The following CCNT2 variants were observed in gnomAD, a reference collection of about 807,000 sequenced individuals.
The protein encoded by CCNT2 is cyclin-T2.
Under a neutral mutation model 70.0 loss-of-function variants are expected in CCNT2, and 18 were observed. That is an observed-to-expected ratio of 0.26 (90% CI 0.18 to 0.38). The LOEUF is 0.38. Among genes scored for constraint, CCNT2 ranks in the 10% least tolerant of loss-of-function variants. The pLI, the probability that CCNT2 is intolerant of heterozygous loss-of-function variation, is 1.00. For missense variants in CCNT2, 734 were observed against 890.2 expected (o/e 0.82, Z 2.23); for synonymous variants, 334 against 313.3 (o/e 1.07, Z -0.70).
At chr2:134,919,943 T>TA (rs774556524) in intron 2 of CCNT2, 52 bp downstream of exon 2, 2 of 1,289,502 alleles carry the variant, frequency 1.6e-6, no homozygotes, top group Non-Finnish European at 2.2e-6. Flanking sequence ...GGTAAATCGA[T>TA]ACGCAGAAAA....
chr2:134,921,824 G>T (rs773716856), intron 2 of CCNT2, among the ~76,000 whole-genome samples: 1 of 152,086 alleles, frequency 6.6e-6, no homozygotes, highest in Non-Finnish European at 1.5e-5. Context: ...AAAGGCCAAG[G>T]TATTAATTTT....
Position 134,936,963 on chromosome 2 carries a change from A to G in CCNT2, c.363A>G (p.Lys121=), listed in dbSNP as rs1681198760. The change falls in exon 3 of 9, where the codon AAA becomes AAG. Residue 121 remains lysine (K), a synonymous_variant. Coordinates refer to ENST00000264157, the MANE Select transcript of CCNT2 (RefSeq NM_058241.3). ...LHPLEPLLDT[K]CDAYLQQTQE... ...CTCTAGAGCCACTGCTGGATACTAAATGTGATGTATGTAAATACTGGGTTT... is the reference window on the plus strand; with the variant it reads ...CTCTAGAGCCACTGCTGGATACTAAGTGTGATGTATGTAAATACTGGGTTT... 1 of 1,602,966 alleles carries G rather than the reference A, an allele frequency of 6.2e-7. No homozygotes were observed. The highest frequency in any genetic ancestry group is 1.1e-5 in the South Asian group (1 of 89,488).
At chr2:134,952,838 T>G (rs1467372938) in intron 8 of CCNT2, 127 bp downstream of exon 8, 1 of 682,812 alleles carries the variant, frequency 1.5e-6, no homozygotes, top group African/African-American at 1.8e-5. Context: ...GTATCTCAAG[T>G]TACATATACT....
chr2:134,954,579 G>A lies in CCNT2; in HGVS notation c.2124G>A (p.Gln708=), dbSNP rs1308490329. 6.2e-7 allele frequency: 1 copy of A among 1,614,118 alleles called. No individual in the cohort carries two copies. Among genetic ancestry groups the A allele is most frequent in the African/African-American group, 1.3e-5 (1 of 75,060 alleles). Residue 708 remains glutamine, a synonymous_variant, in exon 9 of 9, where the codon CAG becomes CAA. Transcript: ENST00000264157. ...DANHEYSTSS[Q]HMDYKDTFDM... ...ATCACGAGTACAGTACAAGCAGCCA[G>A]CATATGGACTACAAAGACACATTCG...
chr2:134,959,072 CTTA>C lies in CCNT2; in HGVS notation c.*4428_*4430del, dbSNP rs1406095911. On this transcript the variant is annotated 3_prime_UTR_variant, in exon 9 of 9. Coordinates refer to ENST00000264157, the MANE Select transcript of CCNT2 (RefSeq NM_058241.3). The stretch of plus-strand genomic sequence containing the variant: ...CCTATTGTTTAATAATGAGTACATT[CTTA>C]TTAAGTGATGAGTACATTCTTAATT... 6.8e-6 allele frequency: 1 copy of C among 147,882 alleles called. No homozygotes were observed. The highest frequency in any genetic ancestry group is 1.5e-5 in the Non-Finnish European group (1 of 66,848). 9.2% of individuals were successfully genotyped at this position (147,882 alleles called of 1,614,324 possible). A position where few individuals can be genotyped will look rare whatever the true frequency, so the allele number is the denominator to read the frequency against.
At chr2:134,944,217 T>A (rs1186526456) in intron 5 of CCNT2, 12 of 979,634 alleles carry the variant, frequency 1.2e-5, no homozygotes, top group Non-Finnish European at 1.3e-5. Flanking sequence ...GCATAACTAG[T>A]TGTAGTTGTT....
intron 5 of CCNT2, chr2:134,943,576 G>A: frequency 1.0e-6 from 1 of 985,084 alleles, no homozygotes; most frequent in Non-Finnish European, 1.2e-6. Flanking sequence ...TGCCTGTTAA[G>A]CGTCTTGTTT....
chr2:134,953,153 A>T, intron 8 of CCNT2, 77 bp from the exon 9 acceptor site: 1 of 990,354 alleles, frequency 1.0e-6, no homozygotes, highest in Non-Finnish European at 1.5e-6. Flanking sequence ...TTTTTAATAT[A>T]TAACTTTTAT....
In CCNT2 at chr2:134,955,048, A is replaced by G. The variant is rs1457140813; in HGVS notation, c.*400A>G. The G allele has an allele frequency of 1.8e-5, 3 of 169,600 alleles. No homozygotes were observed. The highest frequency in any genetic ancestry group is 4.8e-5 in the African/African-American group (2 of 41,816). 10.5% of individuals were successfully genotyped at this position (169,600 alleles called of 1,614,324 possible). A position where few individuals can be genotyped will look rare whatever the true frequency, so the allele number is the denominator to read the frequency against. On this transcript the variant is annotated 3_prime_UTR_variant, in exon 9 of 9. Coordinates refer to ENST00000264157, the MANE Select transcript of CCNT2 (RefSeq NM_058241.3). The stretch of plus-strand genomic sequence containing the variant: ...TTTTCTTTTGTGTATTTATACTTGT[A>G]TGTATGATTTGCATGTTTCAATGAT...
intron 5 of CCNT2, chr2:134,945,562 C>T: frequency 1.0e-6 from 1 of 985,258 alleles, no homozygotes; most frequent in Non-Finnish European, 1.2e-6. Flanking sequence ...TACCCGTATG[C>T]TGTTTCTAGG....
intron 5 of CCNT2, chr2:134,944,266 A>G: frequency 1.0e-6 from 1 of 982,914 alleles, no homozygotes. Flanking sequence ...TAAGAACTTG[A>G]AAAAGGTTAA....
chr2:134,949,314 G>GT (rs1682255385), intron 7 of CCNT2, among the ~76,000 whole-genome samples: 2 of 152,298 alleles, frequency 1.3e-5, no homozygotes, highest in South Asian at 4.1e-4. Flanking sequence ...TCTGCAAAGA[G>GT]TAACACTATT....
intron 2 of CCNT2, among the ~76,000 whole-genome samples, chr2:134,927,083 G>A (rs1210809447): frequency 1.3e-5 from 2 of 152,198 alleles, no homozygotes; most frequent in Non-Finnish European, 2.9e-5. Flanking sequence ...AAATAAGGAA[G>A]CTGTGGGAGA....
intron 8 of CCNT2, chr2:134,952,932 G>A (rs1682635168): frequency 2.0e-6 from 1 of 492,660 alleles, no homozygotes; most frequent in Non-Finnish European, 3.6e-6. Flanking sequence ...TATGACAAAA[G>A]TATCCTCTTC....
chr2:134,930,363 C>T (rs1680652200), intron 2 of CCNT2, among the ~76,000 whole-genome samples: 1 of 152,106 alleles, frequency 6.6e-6, no homozygotes, highest in Non-Finnish European at 1.5e-5. Flanking sequence ...GTGGCTGTAC[C>T]TCTTTTTATT....
Position 134,923,991 on chromosome 2 carries a change from A to G in CCNT2, c.240+4100A>G, listed in dbSNP as rs141417496. ...AATGAGGTCCTCTTTATAAGTCCCA[A>G]ATTCCTCTTTTTCAACTATACATCA... On this transcript the variant is annotated intron_variant, in intron 2 of 8. Coordinates refer to ENST00000264157, the MANE Select transcript of CCNT2 (RefSeq NM_058241.3). 7.7e-4 allele frequency among the ~76,000 whole-genome samples: 117 copies of G among 152,288 alleles called. 1 individual carries two copies. In the East Asian group the frequency reaches 0.021, roughly 27 times the overall value.
chr2:134,938,950 C>A, intron 3 of CCNT2, 52 bp from the exon 4 acceptor site: 1 of 1,128,618 alleles, frequency 8.9e-7, no homozygotes, highest in Non-Finnish European at 1.3e-6. Flanking sequence ...GTCATGCAGT[C>A]TAGTAATGTT....
In CCNT2 at chr2:134,958,207, C is replaced by T. The variant is rs181699676; in HGVS notation, c.*3559C>T. On this transcript the variant is annotated 3_prime_UTR_variant, in exon 9 of 9. Coordinates refer to ENST00000264157, the MANE Select transcript of CCNT2 (RefSeq NM_058241.3). ...CATGGGGACTTTTTTAACATGGTAA[C>T]GTCTTAGGAAAACCATTCTCTCAAG... 1.3e-5 allele frequency: 2 copies of T among 152,130 alleles called. No homozygotes were observed. The highest frequency in any genetic ancestry group is 2.4e-5 in the African/African-American group (1 of 41,426). The allele number at this position is 152,130 out of a possible 1,614,324, so 9.4% of individuals were successfully genotyped here. A position where few individuals can be genotyped will look rare whatever the true frequency, so the allele number is the denominator to read the frequency against.
intron 5 of CCNT2, chr2:134,945,721 C>G (rs1681908230): frequency 7.8e-7 from 1 of 1,280,290 alleles, no homozygotes; most frequent in Non-Finnish European, 1.0e-6. Context: ...TGGCAGGCAA[C>G]TCTTTGTATT....
Sources: allele counts gnomAD v4.1 joint callset (sites outside exome capture counted in the v4.1 genomes callset), GRCh38; gene constraint gnomAD v4.1.1; transcripts MANE v1.5; gene names NCBI Gene and HGNC (gene_info 2026-07-23, HGNC 2026-07-21).